The following FANCB variants were observed in gnomAD, a reference collection of about 807,000 sequenced individuals.
FANCB encodes the protein FA complementation group B, also known as Fanconi anemia group B protein.
Under a neutral mutation model 38.9 loss-of-function variants are expected in FANCB, and 5 were observed. That is an observed-to-expected ratio of 0.13 (90% CI 0.07 to 0.27). The LOEUF is 0.27. Among genes scored for constraint, FANCB ranks in the 10% least tolerant of loss-of-function variants. FANCB has a pLI of 1.00. For missense variants in FANCB, 573 were observed against 602.7 expected, an observed-to-expected ratio of 0.95 and a Z score of 0.52; for synonymous variants, 236 against 215.4, an observed-to-expected ratio of 1.10 and a Z score of -0.84.
the FANCB span, among the ~76,000 whole-genome samples, chrX:14,724,889 T>C: frequency 9.0e-6 from 1 of 111,548 alleles, no homozygotes; most frequent in African/African-American, 3.3e-5. Flanking sequence ...ACTTTGTTGT[T>C]CTGCAAAGCT....
At chrX:14,702,394 A>G in the FANCB span, among the ~76,000 whole-genome samples, 3 of 112,222 alleles carry the variant, frequency 2.7e-5, no homozygotes, top group Admixed American at 9.4e-5. Context: ...TTTTATAAGT[A>G]GTCTACACTT....
intron 1 of FANCB, among the ~76,000 whole-genome samples, chrX:14,870,241 A>T (rs1439176034): frequency 8.9e-6 from 1 of 112,026 alleles, no homozygotes; most frequent in East Asian, 2.8e-4. Flanking sequence ...TAAAAAAAAT[A>T]GAAACATATC....
At chrX:14,734,693 T>C in the FANCB span, among the ~76,000 whole-genome samples, 1 of 111,269 alleles carries the variant, frequency 9.0e-6, no homozygotes, top group Admixed American at 9.6e-5. Context: ...ATCTGATGAT[T>C]ATGTGTCTTG....
the FANCB span, among the ~76,000 whole-genome samples, chrX:14,691,324 TGC>T: frequency 1.9e-4 from 12 of 64,343 alleles, no homozygotes; most frequent in South Asian, 7.2e-4. Context: ...TGTGTGTGTG[TGC>T]GCGCGTGCGT....
the FANCB span, among the ~76,000 whole-genome samples, chrX:14,825,257 TA>T: frequency 8.9e-6 from 1 of 112,332 alleles, no homozygotes; most frequent in Admixed American, 9.5e-5. Flanking sequence ...TCATCAGTTT[TA>T]AACAAATTAT....
the FANCB span, among the ~76,000 whole-genome samples, chrX:14,823,138 A>G: frequency 1.1e-5 from 1 of 87,885 alleles, no homozygotes; most frequent in Admixed American, 1.6e-4. Flanking sequence ...GCTGGAGTGC[A>G]GTGGCGCGAT....
the FANCB span, among the ~76,000 whole-genome samples, chrX:14,734,618 G>A: frequency 2.8e-5 from 3 of 108,140 alleles, no homozygotes; most frequent in East Asian, 8.7e-4. Context: ...GCTTCCCTTT[G>A]TGGGTAACCC....
chrX:14,695,828 A>T, the FANCB span, among the ~76,000 whole-genome samples: 1 of 111,665 alleles, frequency 9.0e-6, no homozygotes. Flanking sequence ...GGTTTGAGGA[A>T]GAAGGATCAA....
chrX:14,841,730 C>T (rs151243233), downstream of FANCB, among the ~76,000 whole-genome samples: 1,531 of 111,410 alleles, frequency 0.014, 25 homozygotes, highest in African/African-American at 0.041. Context: ...ATAACATATG[C>T]TTGTAGATGC....
the FANCB span, among the ~76,000 whole-genome samples, chrX:14,689,903 T>C: frequency 8.9e-6 from 1 of 112,258 alleles, no homozygotes; most frequent in Non-Finnish European, 1.9e-5. Flanking sequence ...GCTTTCAGAA[T>C]CTACTTTGTC....
Position 14,865,201 on chromosome X carries a change from C to A in FANCB, c.310G>T (p.Val104Phe). Reference protein sequence around the residue: ...IVIEKNKKNNVFEYFLLILHS... With the variant: ...IVIEKNKKNNFFEYFLLILHS... ...AGGATTAGTAAAAAATATTCAAAAACATTATTCTTTTTATTTTTTTCTATC... is the reference window on the plus strand; with the variant it reads ...AGGATTAGTAAAAAATATTCAAAAAAATTATTCTTTTTATTTTTTTCTATC... The change falls in exon 3 of 10, where the codon GTT (valine) becomes TTT (phenylalanine). Residue 104 changes from valine to phenylalanine, a missense_variant. Coordinates refer to ENST00000650831, the MANE Select transcript of FANCB (RefSeq NM_001018113.3). The A allele has an allele frequency of 8.6e-7, 1 of 1,160,529 alleles. No homozygotes were observed. The highest frequency in any genetic ancestry group is 1.1e-6 in the Non-Finnish European group (1 of 870,715).
At chrX:14,836,322 A>C (rs1425974662) in intron 10 of FANCB, 3 of 111,924 alleles carry the variant, frequency 2.7e-5, no homozygotes, top group Non-Finnish European at 3.8e-5. Context: ...AAGATGAAAA[A>C]GTTCTAGAGA....
At chrX:14,690,578 T>A in the FANCB span, 2 of 461,619 alleles carry the variant, frequency 4.3e-6, no homozygotes, top group Non-Finnish European at 7.4e-6. Flanking sequence ...CGCTGGAAAA[T>A]CATTGACCAA....
At chrX:14,835,087 A>G (rs929175907), downstream of FANCB, 13 of 548,528 alleles carry the variant, frequency 2.4e-5, no homozygotes, top group Non-Finnish European at 4.2e-5. Context: ...GACATTTTCA[A>G]AGTTGCCAGT....
chrX:14,836,838 C>T (rs1003890879), intron 10 of FANCB, among the ~76,000 whole-genome samples: 1 of 111,923 alleles, frequency 8.9e-6, no homozygotes, highest in Non-Finnish European at 1.9e-5. Context: ...AGAGGATATC[C>T]CTACTGGGTA....
chrX:14,764,072 A>G, the FANCB span, among the ~76,000 whole-genome samples: 1 of 111,863 alleles, frequency 8.9e-6, no homozygotes. Flanking sequence ...GCAGCTTTAT[A>G]CAGCACATAT....
chrX:14,722,994 G>C, the FANCB span, among the ~76,000 whole-genome samples: 7 of 112,457 alleles, frequency 6.2e-5, no homozygotes, highest in African/African-American at 2.3e-4. Flanking sequence ...TTGGCTAATG[G>C]CTGATTTTAG....
At chrX:14,773,864 C>T in the FANCB span, among the ~76,000 whole-genome samples, 5 of 111,198 alleles carry the variant, frequency 4.5e-5, no homozygotes, top group East Asian at 2.8e-4. Context: ...CATTGAGGTT[C>T]GCTCTCAAAG....
At chrX:14,721,120 CAAA>C in the FANCB span, among the ~76,000 whole-genome samples, 777 of 71,631 alleles carry the variant, frequency 0.011, 6 homozygotes, top group African/African-American at 0.025. Flanking sequence ...GACCCTGTCT[CAAA>C]AAAAAAAAAA....
Sources: allele counts gnomAD v4.1 joint callset (sites outside exome capture counted in the v4.1 genomes callset), GRCh38; gene constraint gnomAD v4.1.1; transcripts MANE v1.5; gene names NCBI Gene and HGNC (gene_info 2026-07-23, HGNC 2026-07-21).